The following PPP1R7 variants were observed in gnomAD, a reference collection of about 807,000 sequenced individuals.
PPP1R7 encodes protein phosphatase 1 regulatory subunit 22.
A neutral mutation model predicts 45.2 loss-of-function variants in PPP1R7; 18 were observed. That is an observed-to-expected ratio of 0.40 (90% CI 0.28 to 0.59). PPP1R7 has a LOEUF of 0.59. PPP1R7 is among the 20% of genes least tolerant of loss of function. The pLI is 0.46. For missense variants in PPP1R7, 314 were observed against 455.8 expected (o/e 0.69, Z 2.83); for synonymous variants, 181 against 183.4 (o/e 0.99, Z 0.11).
chr2:241,166,470 G>C, intron 8 of PPP1R7, 29 bp downstream of exon 8: 1 of 1,600,610 alleles, frequency 6.2e-7, no homozygotes, highest in African/African-American at 1.3e-5. Flanking sequence ...GTCTGGGGCT[G>C]TGTGGGCGGT....
In PPP1R7 at chr2:241,163,302, C is replaced by T. The variant is rs763220022; in HGVS notation, c.615C>T (p.Asp205=). The change falls in exon 7 of 10, where the codon GAC becomes GAT. Residue 205 remains aspartate (D), a synonymous_variant. Coordinates refer to ENST00000234038, the MANE Select transcript of PPP1R7 (RefSeq NM_002712.3). ...SNRIRAIENI[D]TLTNLESLFL... The stretch of plus-strand genomic sequence containing the variant: ...TTCCACAGGCAATCGAAAATATCGA[C>T]ACCTTAACCAACCTGGAGAGTTTGT... 1.2e-6 allele frequency: 2 copies of T among 1,613,078 alleles called. No homozygotes were observed. The highest frequency in any genetic ancestry group is 2.2e-5 in the South Asian group (2 of 91,036).
chr2:241,161,179 A>G (rs13004948), intron 6 of PPP1R7, among the ~76,000 whole-genome samples: 4 of 129,038 alleles, frequency 3.1e-5, no homozygotes, highest in Non-Finnish European at 1.6e-5. Flanking sequence ...TCTCTGGCAT[A>G]CTTCTTCGAG....
intron 8 of PPP1R7, chr2:241,167,291 G>T: frequency 2.4e-6 from 1 of 411,190 alleles, no homozygotes; most frequent in Non-Finnish European, 4.3e-6. Context: ...GGGCCTAGTT[G>T]GCAGCAGTAA....
At chr2:241,169,986 C>T (rs2067786341) in intron 9 of PPP1R7, 119 bp downstream of exon 9, 15 of 810,028 alleles carry the variant, frequency 1.9e-5, no homozygotes, top group Non-Finnish European at 2.8e-5. Flanking sequence ...TGACTCCGCA[C>T]ATCATGAGAT....
At chr2:241,173,142 C>T (rs1400052672) in intron 9 of PPP1R7, among the ~76,000 whole-genome samples, 3 of 151,666 alleles carry the variant, frequency 2.0e-5, no homozygotes, top group South Asian at 2.1e-4. Context: ...CGTGGTGGCA[C>T]GTGCCTGTAG....
At chr2:241,158,191 G>A (rs2067503185) in intron 3 of PPP1R7, among the ~76,000 whole-genome samples, 1 of 152,184 alleles carries the variant, frequency 6.6e-6, no homozygotes, top group Non-Finnish European at 1.5e-5. Context: ...TGATGGTGAT[G>A]GGATGGGGTG....
At chr2:241,169,133 G>C (rs1344962081) in intron 8 of PPP1R7, among the ~76,000 whole-genome samples, 1 of 152,174 alleles carries the variant, frequency 6.6e-6, no homozygotes, top group Non-Finnish European at 1.5e-5. Flanking sequence ...GTCTCCCAGT[G>C]GGGGCACACA....
At chr2:241,150,070 G>T (rs113716801), upstream of PPP1R7, 21 of 1,295,282 alleles carry the variant, frequency 1.6e-5, 1 homozygote, top group African/African-American at 2.2e-4. Context: ...CGTAGGACTG[G>T]CCCGCACCTT....
chr2:241,164,499 G>A (rs1242211778), intron 7 of PPP1R7, among the ~76,000 whole-genome samples: 5 of 152,178 alleles, frequency 3.3e-5, no homozygotes, highest in East Asian at 1.9e-4. Flanking sequence ...CTCTGGGGAC[G>A]AGGCCCGGTA....
At chr2:241,150,388 G>C, upstream of PPP1R7, 1 of 1,343,176 alleles carries the variant, frequency 7.4e-7, no homozygotes, top group South Asian at 1.9e-5. Flanking sequence ...CGGCGCGGCT[G>C]AAGTCGCCGC....
Position 241,157,796 on chromosome 2 carries a change from T to A in PPP1R7, c.182-11T>A. On this transcript the variant is annotated splice_polypyrimidine_tract_variant and intron_variant, in intron 2 of 9. Coordinates refer to ENST00000234038, the MANE Select transcript of PPP1R7 (RefSeq NM_002712.3). ...GGGTTCTGAACAAATCTCTTTTTCT[T>A]ATTTTTTCAGAAGAACATGAGCTGC... is the stretch of plus-strand genomic sequence containing the variant. The A allele has an allele frequency of 6.2e-7, 1 of 1,612,430 alleles. No homozygotes were observed. Among genetic ancestry groups the A allele is most frequent in the Non-Finnish European group, 8.5e-7 (1 of 1,178,506 alleles).
rs1000838528 is a variant in PPP1R7, at chr2:241,183,615, T to C, written c.*792T>C. 11 of 305,350 alleles carry C rather than the reference T, an allele frequency of 3.6e-5. No homozygotes were observed. In the East Asian group the frequency reaches 8.4e-4, roughly 23 times the overall value. 18.9% of individuals were successfully genotyped at this position (305,350 alleles called of 1,614,324 possible). ...GCCTCCTGTTCTCACCCCATTGTTA[T>C]TTTGGCTTTTTTAATATAAAATGTA... On this transcript the variant is annotated 3_prime_UTR_variant, in exon 10 of 10. Transcript: ENST00000234038.
intron 8 of PPP1R7, among the ~76,000 whole-genome samples, chr2:241,168,644 G>C (rs577473280): frequency 2.6e-5 from 4 of 152,152 alleles, no homozygotes; most frequent in Non-Finnish European, 5.9e-5. Flanking sequence ...TGGTTTGAAG[G>C]CACCTCCTAG....
At chr2:241,181,625 G>A (rs1327079155) in intron 9 of PPP1R7, among the ~76,000 whole-genome samples, 1 of 152,154 alleles carries the variant, frequency 6.6e-6, no homozygotes, top group Non-Finnish European at 1.5e-5. Context: ...GACCACAGCT[G>A]TGGGCAGGGC....
intron 6 of PPP1R7, among the ~76,000 whole-genome samples, chr2:241,160,791 C>G (rs538364006): frequency 1.1e-4 from 17 of 152,376 alleles, no homozygotes; most frequent in African/African-American, 4.1e-4. Flanking sequence ...GATGAACCAA[C>G]CAACCTGAAT....
chr2:241,150,582 C>A, intron 1 of PPP1R7, 35 bp downstream of exon 1: 1 of 1,572,786 alleles, frequency 6.4e-7, no homozygotes, highest in Non-Finnish European at 8.6e-7. Flanking sequence ...CCCAAGGGCC[C>A]AGCGGGCGGG....
chr2:241,160,161 A>T (rs1187455468), intron 5 of PPP1R7, among the ~76,000 whole-genome samples, 171 bp from the exon 6 acceptor site: 1 of 152,114 alleles, frequency 6.6e-6, no homozygotes, highest in Admixed American at 6.5e-5. Context: ...TCATGACAGC[A>T]TCAGTGTGAG....
intron 8 of PPP1R7, chr2:241,167,135 T>G (rs548048085): frequency 6.8e-7 from 1 of 1,474,580 alleles, no homozygotes; most frequent in African/African-American, 1.4e-5. Context: ...TCTGCCCCAG[T>G]GCGGTGTTCA....
At chr2:241,150,569 C>A in intron 1 of PPP1R7, 22 bp downstream of exon 1, 1 of 1,582,382 alleles carries the variant, frequency 6.3e-7, no homozygotes, top group Admixed American at 1.8e-5. Flanking sequence ...CTGCGGGCGG[C>A]GGCCCAAGGG....
Sources: allele counts gnomAD v4.1 joint callset (sites outside exome capture counted in the v4.1 genomes callset), GRCh38; gene constraint gnomAD v4.1.1; transcripts MANE v1.5; gene names NCBI Gene and HGNC (gene_info 2026-07-23, HGNC 2026-07-21).